SCNN1D: variants seen among roughly 807,000 people sequenced by gnomAD.
SCNN1D encodes the protein sodium channel epithelial 1 subunit delta.
Under a neutral mutation model 87.8 loss-of-function variants are expected in SCNN1D, and 104 were observed. That is an observed-to-expected ratio of 1.18 (90% CI 1.01 to 1.39). The LOEUF (loss-of-function observed/expected upper bound fraction) is 1.39. Among genes scored for constraint, SCNN1D ranks in the 40% most tolerant of loss-of-function variants. SCNN1D has a pLI of 0.00. For synonymous variants in SCNN1D, 628 were observed against 481.2 expected (o/e 1.31, Z -3.99); for missense variants, 1,324 against 1,093.9 (o/e 1.21, Z -2.97).
rs866660274 is a variant in SCNN1D, at chr1:1,290,155, T to C, written c.1663-116T>C. On this transcript the variant is annotated intron_variant, in intron 12 of 17. Transcript: ENST00000379116. ...CCGTGTCTCTGCTCCGTCCCGTGTC[T>C]CTGCTCCGTCCCGTGTCCCTGCTCC... 3.3e-3 allele frequency: 1,572 copies of C among 474,370 alleles called. 31 individuals carry two copies. The highest frequency in any genetic ancestry group is 7.4e-3 in the Admixed American group (116 of 15,740). The allele number at this position is 474,370 out of a possible 1,614,324, so 29.4% of individuals were successfully genotyped here.
In SCNN1D at chr1:1,287,227, A is replaced by G. The variant is rs1477214176; in HGVS notation, c.1238A>G (p.Glu413Gly). Residue 413 changes from glutamate to glycine, a missense_variant, in exon 9 of 18, where the codon GAG becomes GGG. Coordinates refer to ENST00000379116, the MANE Select transcript of SCNN1D (RefSeq NM_001130413.4). ...CTGGCCCTGCTGCCCGCGGCATGGG[A>G]GGACAGCCACGGGAGCCAGGACGGC... ...DILALLPAAW[E>G]DSHGSQDGHF... 1 of 1,611,468 alleles carries G rather than the reference A, an allele frequency of 6.2e-7. No homozygotes were observed. Among genetic ancestry groups the G allele is most frequent in the Non-Finnish European group, 8.5e-7 (1 of 1,179,460 alleles).
rs1557582240 is a variant in SCNN1D, at chr1:1,286,783, C to T, written c.927C>T (p.Leu309=). ...TGCGTCCCAGGCCGAGTCCGGTCCT[C>T]CGCCATCTGGAGCTGCTGGACGAGT... ...DGNPRRPSPV[L]RHLELLDEFA... The change falls in exon 8 of 18, where the codon CTC becomes CTT. Residue 309 remains leucine (L), a synonymous_variant. Coordinates refer to ENST00000379116, the MANE Select transcript of SCNN1D (RefSeq NM_001130413.4). 8 of 1,612,662 alleles carry T rather than the reference C, an allele frequency of 5.0e-6. No individual in the cohort carries two copies. Among genetic ancestry groups the T allele is most frequent in the East Asian group, 4.5e-5 (2 of 44,880 alleles).
chr1:1,281,855 G>A, intron 3 of SCNN1D: 1 of 581,340 alleles, frequency 1.7e-6, no homozygotes, highest in Non-Finnish European at 3.0e-6. Context: ...TTCTCTCTCT[G>A]CACCCTGCAC....
At chr1:1,288,342 CCGTCCCCCGTGTCTCTGCTCCGTCCCG>C (rs1640674073) in intron 12 of SCNN1D, among the ~76,000 whole-genome samples, 1 of 72,872 alleles carries the variant, frequency 1.4e-5, no homozygotes, top group Non-Finnish European at 2.1e-5. Flanking sequence ...TGTCTCTGCC[CCGTCCCCCGTGTCTCTGCTCCGTCCCG>C]TGTCCCTGCT....
chr1:1,286,101 A>G lies in SCNN1D; in HGVS notation c.734A>G (p.Asn245Ser), dbSNP rs1299118859. 5.0e-6 allele frequency: 8 copies of G among 1,610,002 alleles called. No individual in the cohort carries two copies. Among genetic ancestry groups the G allele is most frequent in the Non-Finnish European group, 6.8e-6 (8 of 1,179,078 alleles). Residue 245 changes from asparagine (N) to serine (S), a missense_variant, in exon 7 of 18, where the codon AAC becomes AGC. Transcript: ENST00000379116. Reference sequence around the variant, plus strand: ...ATCCGCCTGGTCTGCTCCCGCGGGAACCGCCTCAAGACGACGTCCTGGGGG... The same window carrying G: ...ATCCGCCTGGTCTGCTCCCGCGGGAGCCGCCTCAAGACGACGTCCTGGGGG... ...GAIRLVCSRG[N>S]RLKTTSWGLL...
rs761082853 is a variant in SCNN1D at position 1,291,486 on chromosome 1, C to G, written c.2285C>G (p.Thr762Arg). 6.2e-7 allele frequency: 1 copy of G among 1,609,314 alleles called. No homozygotes were observed. Among genetic ancestry groups the G allele is most frequent in the South Asian group, 1.1e-5 (1 of 90,958 alleles). Residue 762 changes from threonine to arginine, a missense_variant, in exon 18 of 18, where the codon ACG becomes AGG. Thr to Arg is a moderately conservative substitution (Grantham distance 71). Transcript: ENST00000379116. ...CAGATGCCCCCGCCTGCAGGCGGCACGTCAGATGACCCGGAGCCCAGCGGG... is the reference window on the plus strand; with the variant it reads ...CAGATGCCCCCGCCTGCAGGCGGCAGGTCAGATGACCCGGAGCCCAGCGGG... ...ASQMPPPAGGTSDDPEPSGPH... is the reference protein window; with the variant it reads ...ASQMPPPAGGRSDDPEPSGPH...
intron 6 of SCNN1D, 83 bp downstream of exon 6, chr1:1,285,747 G>C: frequency 3.2e-6 from 4 of 1,269,436 alleles, no homozygotes; most frequent in Non-Finnish European, 4.3e-6. Flanking sequence ...ACACTGAGAC[G>C]TGTCAGGGAC....
chr1:1,284,216 GGGGGTT>G (rs1640535340), intron 5 of SCNN1D, 126 bp downstream of exon 5: 1 of 63,952 alleles, frequency 1.6e-5, no homozygotes, highest in Non-Finnish European at 3.2e-5. Context: ...GGTTGGATGA[GGGGGTT>G]GGGGTTGGGG....
rs770041410 is a variant in SCNN1D, at chr1:1,287,611, C to G, written c.1399+15C>G. ...CATCACCCACGGTGGGTGCCAGCCC[C>G]TGGCCGGTGCGGGGGCAGGGGTGCA... On this transcript the variant is annotated intron_variant, in intron 10 of 17. Transcript: ENST00000379116. The G allele has an allele frequency of 6.2e-7, 1 of 1,608,364 alleles. No individual in the cohort carries two copies. Among genetic ancestry groups the G allele is most frequent in the Non-Finnish European group, 8.5e-7 (1 of 1,177,000 alleles).
chr1:1,287,770 G>A lies in SCNN1D; in HGVS notation c.1497G>A (p.Thr499=). The A allele has an allele frequency of 2.5e-6, 4 of 1,598,192 alleles. No homozygotes were observed. Among genetic ancestry groups the A allele is most frequent in the Non-Finnish European group, 3.4e-6 (4 of 1,172,956 alleles). ...TCATGGTTCACGGCCGTAACCACAC[G>A]CCCTTCCTGGGGCACCACAGCTTCA... The part of the protein sequence containing the change: ...IRVMVHGRNH[T]PFLGHHSFSV... The change falls in exon 11 of 18, where the codon ACG becomes ACA. Residue 499 remains threonine, a synonymous_variant. Transcript: ENST00000379116.
chr1:1,287,417 C>T lies in SCNN1D; in HGVS notation c.1311-91C>T, dbSNP rs542856759. On this transcript the variant is annotated intron_variant, in intron 9 of 17. Coordinates refer to ENST00000379116, the MANE Select transcript of SCNN1D (RefSeq NM_001130413.4). The stretch of plus-strand genomic sequence containing the variant: ...CCCAAGGCTGGCCGGAGGAACTTTC[C>T]GCAGACACAGGGCAGGCCATGGCCC... The T allele has an allele frequency of 1.6e-4, 234 of 1,488,252 alleles. 1 individual carries two copies. Among genetic ancestry groups the T allele is most frequent in the Middle Eastern group, 5.4e-4 (3 of 5,542 alleles). The allele number at this position is 1,488,252 out of a possible 1,614,324, so 92.2% of individuals were successfully genotyped here.
Position 1,287,564 on chromosome 1 carries a change from T to C in SCNN1D, c.1367T>C (p.Val456Ala). The C allele has an allele frequency of 6.3e-7, 1 of 1,577,824 alleles. No homozygotes were observed. The highest frequency in any genetic ancestry group is 1.2e-5 in the South Asian group (1 of 85,808). ...GGCAGCTGCTACACGGTCGATGGCG[T>C]CTGGACAGCTCAGCGCCCCGGCATC... is the stretch of plus-strand genomic sequence containing the variant. The part of the protein sequence containing the change: ...TYGSCYTVDG[V>A]WTAQRPGITH... The change falls in exon 10 of 18, where the codon GTC (valine) becomes GCC (alanine). Residue 456 changes from valine (V) to alanine (A), a missense_variant. Physicochemically the swap from Val to Ala is moderately conservative, Grantham distance 64. Coordinates refer to ENST00000379116, the MANE Select transcript of SCNN1D (RefSeq NM_001130413.4).
intron 4 of SCNN1D, among the ~76,000 whole-genome samples, chr1:1,282,600 T>C (rs1204664883): frequency 6.6e-6 from 1 of 152,128 alleles, no homozygotes; most frequent in East Asian, 1.9e-4. Context: ...CCTGGGAGAC[T>C]GTGATTTGGA....
intron 4 of SCNN1D, among the ~76,000 whole-genome samples, chr1:1,283,760 C>T (rs920638658): frequency 6.6e-6 from 1 of 151,866 alleles, no homozygotes; most frequent in Non-Finnish European, 1.5e-5. Flanking sequence ...CTGTCCTCCC[C>T]CTCCCTCCAC....
chr1:1,284,276 A>T (rs1361082071), intron 5 of SCNN1D, among the ~76,000 whole-genome samples, 186 bp downstream of exon 5: 1 of 60,284 alleles, frequency 1.7e-5, no homozygotes, highest in Admixed American at 2.0e-4. Context: ...GGTTGGGGGG[A>T]CCCGCCTCGA....
At position 1,284,022 on chromosome 1, in the gene SCNN1D, G is replaced by A. The variant is rs372458361; in HGVS notation, c.396G>A (p.Pro132=). 13 of 1,419,960 alleles carry A rather than the reference G, an allele frequency of 9.2e-6. No individual in the cohort carries two copies. The highest frequency in any genetic ancestry group is 1.8e-4 in the Middle Eastern group (1 of 5,660). 88.0% of individuals were successfully genotyped at this position (1,419,960 alleles called of 1,614,324 possible). A position where few individuals can be genotyped will look rare whatever the true frequency, so the allele number is the denominator to read the frequency against. ...SILLQSCQLP[P]QWLSTEAWTG... is the part of the protein sequence containing the mutation. Reference sequence around the variant, plus strand: ...TGCTTCAGAGCTGCCAGCTGCCCCCGCAATGGCTGAGCACCGAAGCATGGA... The same window carrying A: ...TGCTTCAGAGCTGCCAGCTGCCCCCACAATGGCTGAGCACCGAAGCATGGA... The change falls in exon 5 of 18, where the codon CCG becomes CCA. Residue 132 remains proline, a synonymous_variant. Coordinates refer to ENST00000379116, the MANE Select transcript of SCNN1D (RefSeq NM_001130413.4).
Position 1,282,199 on chromosome 1 carries a change from C to T in SCNN1D, c.278-43C>T, listed in dbSNP as rs182066088. 36 of 1,146,708 alleles carry T rather than the reference C, an allele frequency of 3.1e-5. No individual in the cohort carries two copies. The East Asian group carries it at 6.9e-4, about 22-fold the overall frequency. 71.0% of individuals were successfully genotyped at this position (1,146,708 alleles called of 1,614,324 possible). ...ATCAGCTCAGAGAGGTTGAGTAACTCGGGAAGGCCACACAGCCAGTGACGA... is the reference window on the plus strand; with the variant it reads ...ATCAGCTCAGAGAGGTTGAGTAACTTGGGAAGGCCACACAGCCAGTGACGA... On this transcript the variant is annotated intron_variant, in intron 3 of 17. Transcript: ENST00000379116.
chr1:1,288,151 G>A (rs1000403428), intron 12 of SCNN1D, 114 bp downstream of exon 12: 11 of 793,084 alleles, frequency 1.4e-5, no homozygotes, highest in South Asian at 1.8e-5. Context: ...CTGGGAACGG[G>A]GCAGTCCCCG....
chr1:1,281,199 C>T (rs1204049679), intron 1 of SCNN1D, 27 bp from the exon 2 acceptor site: 2 of 1,532,306 alleles, frequency 1.3e-6, no homozygotes, highest in East Asian at 2.4e-5. Flanking sequence ...TGGGGTCCCA[C>T]AGATGCCAGG....
Sources: gnomAD v4.1 joint callset for allele counts (sites outside exome capture counted in the v4.1 genomes callset) on GRCh38, gnomAD v4.1.1 for gene constraint, MANE v1.5 for transcripts, NCBI Gene and HGNC (gene_info 2026-07-23, HGNC 2026-07-21) for gene names.